The following DBR1 variants were observed in gnomAD, a reference collection of about 807,000 sequenced individuals.
DBR1 encodes debranching RNA lariats 1, also known as lariat debranching enzyme.
Under a neutral mutation model 45.9 loss-of-function variants are expected in DBR1, and 33 were observed. That is an observed-to-expected ratio of 0.72 (90% confidence interval 0.55 to 0.96). DBR1 has a LOEUF of 0.96. Among genes scored for constraint, DBR1 ranks in the 40% least tolerant of loss-of-function variants. The probability of loss-of-function intolerance (pLI) is 0.00; values close to 1 mark genes in which losing one functional copy is unlikely to be tolerated. For synonymous variants in DBR1, 235 were observed against 235.9 expected, an observed-to-expected ratio of 1.00 and a Z score of 0.04; for missense variants, 619 against 667.4, an observed-to-expected ratio of 0.93 and a Z score of 0.80.
In DBR1 at chr3:138,163,494, T is replaced by C. The variant is rs753363617; in HGVS notation, c.796A>G (p.Ile266Val). The C allele has an allele frequency of 6.3e-7, 1 of 1,576,062 alleles. No individual in the cohort carries two copies. Among genetic ancestry groups the C allele is most frequent in the Non-Finnish European group, 8.7e-7 (1 of 1,153,052 alleles). Residue 266 changes from isoleucine to valine, a missense_variant and splice_region_variant, in exon 7 of 8, where the codon ATA (isoleucine) becomes GTA (valine). This residue lies in a region of DBR1 where 430 missense variants were observed against 447.7 expected (regional missense o/e 0.96). Transcript: ENST00000260803. ...CTGGGGTCATGTTCTATCTCTAATA[T>C]CTACAGGATGAAATCAATGTTAAGA... ...KCLPHRDFLQ[I>V]LEIEHDPSAP...
At chr3:138,174,023 GAAAAAAAAA>G (rs138787515) in intron 1 of DBR1, among the ~76,000 whole-genome samples, 2 of 123,922 alleles carry the variant, frequency 1.6e-5, no homozygotes, top group African/African-American at 3.1e-5. Flanking sequence ...TCTGTCTCAA[GAAAAAAAAA>G]AAAAAAAAAA....
rs540723626 is a variant in DBR1 at position 138,174,723 on chromosome 3, G to T, written c.73C>A (p.Arg25=). ...KIYETLALAE[R]RGPGPVDLLL... ...AGGTCGACAGGCCCCGGGCCGCGCC[G>T]CTCTGCCAGCGCCAGCGTCTCATAG... is the stretch of plus-strand genomic sequence containing the variant. Residue 25 remains arginine (R), a synonymous_variant, in exon 1 of 8, where the codon CGG becomes AGG. Transcript: ENST00000260803. 1.2e-6 allele frequency: 2 copies of T among 1,612,632 alleles called. No homozygotes were observed. The highest frequency in any genetic ancestry group is 1.3e-5 in the African/African-American group (1 of 75,040).
chr3:138,161,994 C>T lies in DBR1; in HGVS notation c.1530G>A (p.Leu510=). The part of the protein sequence containing the change: ...GNGEDLTKVP[L]KRLSDEHEPE... ...GTTCATGTTCATCACTCAGCCTCTTCAATGGCACCTTGGTTAAGTCCTCTC... is the reference window on the plus strand; with the variant it reads ...GTTCATGTTCATCACTCAGCCTCTTTAATGGCACCTTGGTTAAGTCCTCTC... Residue 510 remains leucine (L), a synonymous_variant, in exon 8 of 8, where the codon TTG becomes TTA. Transcript: ENST00000260803. 1 of 1,614,178 alleles carries T rather than the reference C, an allele frequency of 6.2e-7. No individual in the cohort carries two copies. Among genetic ancestry groups the T allele is most frequent in the South Asian group, 1.1e-5 (1 of 91,084 alleles).
In DBR1 at chr3:138,162,525, A is replaced by G. The variant is rs762166942; in HGVS notation, c.999T>C (p.His333=). The stretch of plus-strand genomic sequence containing the variant: ...TAAAGTTACATGGAACCTTGAGATC[A>G]TGATTCAATTTTTCCAATACTTCTT... ...GMKEVLEKLN[H]DLKVPCNFSV... The change falls in exon 8 of 8, where the codon CAT becomes CAC. Residue 333 remains histidine (H), a synonymous_variant. Coordinates refer to ENST00000260803, the MANE Select transcript of DBR1 (RefSeq NM_016216.4). 8.1e-6 allele frequency: 13 copies of G among 1,613,432 alleles called. No homozygotes were observed. Among genetic ancestry groups the G allele is most frequent in the Middle Eastern group, 3.3e-4 (2 of 6,080 alleles).
chr3:138,174,912 A>T lies in DBR1; in HGVS notation c.-117T>A. The T allele has an allele frequency of 1.1e-6, 1 of 890,042 alleles. No individual in the cohort carries two copies. Among genetic ancestry groups the T allele is most frequent in the Non-Finnish European group, 1.7e-6 (1 of 596,354 alleles). 55.1% of individuals were successfully genotyped at this position (890,042 alleles called of 1,614,324 possible). On this transcript the variant is annotated 5_prime_UTR_variant, in exon 1 of 8. Coordinates refer to ENST00000260803, the MANE Select transcript of DBR1 (RefSeq NM_016216.4). ...ATAAGTATAGCCACCGCCTGGGTGTAGACTCCTGCAAAATAATTCACTTCC... is the reference window on the plus strand; with the variant it reads ...ATAAGTATAGCCACCGCCTGGGTGTTGACTCCTGCAAAATAATTCACTTCC...
At chr3:138,163,217 A>C (rs1450845706) in intron 7 of DBR1, 132 bp downstream of exon 7, 1 of 875,370 alleles carries the variant, frequency 1.1e-6, no homozygotes, top group African/African-American at 1.7e-5. Context: ...CCAAGATCCA[A>C]GATCACACCA....
Position 138,174,616 on chromosome 3 carries a change from G to A in DBR1, c.180C>T (p.His60=), listed in dbSNP as rs1204367994. ...RCMAVPPKYR[H]MQTFYRYYSG... is the part of the protein sequence containing the mutation. ...GTCCTCACCTGTAGAAGGTTTGCAT[G>A]TGACGATACTTGGGCGGCACGGCCA... is the stretch of plus-strand genomic sequence containing the variant. Residue 60 remains histidine, a synonymous_variant, in exon 1 of 8, where the codon CAC becomes CAT. Coordinates refer to ENST00000260803, the MANE Select transcript of DBR1 (RefSeq NM_016216.4). 1 of 1,603,824 alleles carries A rather than the reference G, an allele frequency of 6.2e-7. No individual in the cohort carries two copies. The highest frequency in any genetic ancestry group is 1.7e-5 in the Admixed American group (1 of 59,490).
In DBR1 at chr3:138,163,862, G is replaced by A. The variant is rs145527166; in HGVS notation, c.715-4C>T. On this transcript the variant is annotated splice_polypyrimidine_tract_variant and splice_region_variant and intron_variant, in intron 5 of 7. Coordinates refer to ENST00000260803, the MANE Select transcript of DBR1 (RefSeq NM_016216.4). ...CTGTCTGTCCTTTATCCTTTGCCTG[G>A]ACAATATGAATCATGATTTAAGAAA... 1.3e-3 allele frequency: 2,027 copies of A among 1,605,816 alleles called. 27 individuals are homozygous for A. In the African/African-American group the frequency reaches 0.022, roughly 17 times the overall value.
At chr3:138,173,381 G>C in intron 2 of DBR1, 121 bp downstream of exon 2, 1 of 962,394 alleles carries the variant, frequency 1.0e-6, no homozygotes. Context: ...TCACGATTAA[G>C]TATTTAAATT....
chr3:138,163,787 A>T lies in DBR1; in HGVS notation c.786T>A (p.Asp262Glu), dbSNP rs892282429. The stretch of plus-strand genomic sequence containing the variant: ...ACTTCACTCTTCTTACCTGAAGAAA[A>T]TCTCTATGTGGTAAGCATTTGTCCA... ...LALDKCLPHR[D>E]FLQILEIEHD... Residue 262 changes from aspartate (D) to glutamate (E), a missense_variant, in exon 6 of 8, where the codon GAT becomes GAA. Asp to Glu is a conservative substitution (Grantham distance 45). Around this residue, in one of 3 missense-constraint regions of DBR1, gnomAD observed 430 missense variants for 447.7 expected, o/e 0.96. Coordinates refer to ENST00000260803, the MANE Select transcript of DBR1 (RefSeq NM_016216.4). 1.1e-5 allele frequency: 18 copies of T among 1,610,324 alleles called. No individual in the cohort carries two copies. Among genetic ancestry groups the T allele is most frequent in the Non-Finnish European group, 1.4e-5 (16 of 1,177,570 alleles).
chr3:138,162,450 C>T lies in DBR1; in HGVS notation c.1074G>A (p.Gln358=), dbSNP rs1356650551. 6.2e-7 allele frequency: 1 copy of T among 1,614,158 alleles called. No individual in the cohort carries two copies. Among genetic ancestry groups the T allele is most frequent in the Non-Finnish European group, 8.5e-7 (1 of 1,180,030 alleles). ...TCTGAGGATTGATCCTATGAATCAG[C>T]TGCATTTGTGTCTGTGGCTTGCTAG... is the stretch of plus-strand genomic sequence containing the variant. The part of the protein sequence containing the change: ...YDPSKPQTQM[Q]LIHRINPQTT... The change falls in exon 8 of 8, where the codon CAG becomes CAA. Residue 358 remains glutamine (Q), a synonymous_variant. Coordinates refer to ENST00000260803, the MANE Select transcript of DBR1 (RefSeq NM_016216.4).
intron 3 of DBR1, 107 bp from the exon 4 acceptor site, chr3:138,170,299 C>G: frequency 1.5e-6 from 1 of 672,836 alleles, no homozygotes; most frequent in Non-Finnish European, 2.4e-6. Context: ...TCAATATATA[C>G]GATTTTAAAA....
rs1453513508 is a variant in DBR1 at position 138,171,646 on chromosome 3, A to G, written c.390T>C (p.His130=). 1.2e-6 allele frequency: 2 copies of G among 1,612,544 alleles called. No individual in the cohort carries two copies. The highest frequency in any genetic ancestry group is 2.7e-5 in the African/African-American group (2 of 74,884). Residue 130 remains histidine, a synonymous_variant, in exon 3 of 8, where the codon CAT becomes CAC. Coordinates refer to ENST00000260803, the MANE Select transcript of DBR1 (RefSeq NM_016216.4). The part of the protein sequence containing the change: ...IGGISGIFKS[H]DYRKGHFECP... ...TCAAAACAATACCTTTTCGATAGTCATGAGATTTAAAGATACCAGAGATTC... is the reference window on the plus strand; with the variant it reads ...TCAAAACAATACCTTTTCGATAGTCGTGAGATTTAAAGATACCAGAGATTC...
At chr3:138,172,898 T>G (rs1056238366) in intron 2 of DBR1, among the ~76,000 whole-genome samples, 2 of 152,154 alleles carry the variant, frequency 1.3e-5, no homozygotes, top group Non-Finnish European at 2.9e-5. Flanking sequence ...AGCAGACATC[T>G]TTACATTAAG....
chr3:138,163,545 A>T, intron 6 of DBR1, 51 bp from the exon 7 acceptor site: 1 of 998,482 alleles, frequency 1.0e-6, no homozygotes, highest in Non-Finnish European at 1.4e-6. Context: ...GTAACAGTCT[A>T]ATCACTTTAA....
chr3:138,172,467 C>T (rs538325782), intron 2 of DBR1, among the ~76,000 whole-genome samples: 5 of 152,202 alleles, frequency 3.3e-5, no homozygotes, highest in South Asian at 2.1e-4. Context: ...TGGTGGTACA[C>T]GCTTGCAGTC....
rs748104555 is a variant in DBR1, at chr3:138,174,766, G to A, written c.30C>T (p.His10=). 1.4e-5 allele frequency: 22 copies of A among 1,611,408 alleles called. No homozygotes were observed. Among genetic ancestry groups the A allele is most frequent in the South Asian group, 1.2e-4 (11 of 90,886 alleles). MRVAVAGCC[H]GELDKIYETL... ...TCTCATAGATCTTATCCAGCTCGCC[G>A]TGGCAGCAGCCAGCCACAGCCACCC... is the stretch of plus-strand genomic sequence containing the variant. The change falls in exon 1 of 8, where the codon CAC becomes CAT. Residue 10 remains histidine (H), a synonymous_variant. Coordinates refer to ENST00000260803, the MANE Select transcript of DBR1 (RefSeq NM_016216.4).
chr3:138,163,892 G>C, intron 5 of DBR1, 34 bp from the exon 6 acceptor site: 11 of 1,494,170 alleles, frequency 7.4e-6, no homozygotes, highest in Non-Finnish European at 1.0e-5. Context: ...AAGAAAGAAT[G>C]TTAAAACAAC....
intron 7 of DBR1, among the ~76,000 whole-genome samples, 153 bp from the exon 8 acceptor site, chr3:138,162,735 T>C (rs2042913827): frequency 6.6e-6 from 1 of 152,138 alleles, no homozygotes; most frequent in African/African-American, 2.4e-5. Flanking sequence ...CAAAGGACCA[T>C]TTAGAAAAAA....
Sources: allele counts gnomAD v4.1 joint callset (sites outside exome capture counted in the v4.1 genomes callset), GRCh38; gene constraint gnomAD v4.1.1; regional missense constraint gnomAD v4.1.1; transcripts MANE v1.5; gene names NCBI Gene and HGNC (gene_info 2026-07-23, HGNC 2026-07-21).